UNC5D: variants seen among roughly 807,000 people sequenced by gnomAD.
UNC5D encodes unc-5 netrin receptor D.
In UNC5D, 39 loss-of-function variants were observed where a neutral mutation model predicts 105.4. The observed-to-expected ratio is 0.37, with a 90% CI of 0.29 to 0.48. The LOEUF is 0.48. Among genes scored for constraint, UNC5D ranks in the 20% least tolerant of loss-of-function variants. The pLI, the probability that UNC5D is intolerant of heterozygous loss-of-function variation, is 0.98. For synonymous variants in UNC5D, 452 were observed against 450.4 expected, an observed-to-expected ratio of 1.00 and a Z score of -0.04; for missense variants, 991 against 1,202.4, an observed-to-expected ratio of 0.82 and a Z score of 2.60.
chr8:35,587,310 T>A (rs965862002), intron 3 of UNC5D, among the ~76,000 whole-genome samples: 2 of 152,164 alleles, frequency 1.3e-5, no homozygotes, highest in African/African-American at 4.8e-5. Flanking sequence ...ACACAATGTG[T>A]GTGTAAAGAT....
At chr8:35,535,967 C>A (rs576606956) in intron 1 of UNC5D, among the ~76,000 whole-genome samples, 1 of 152,258 alleles carries the variant, frequency 6.6e-6, no homozygotes, top group East Asian at 1.9e-4. Flanking sequence ...GGTTAAATAT[C>A]TTGCCTAAGA....
At chr8:35,652,756 T>C (rs913643391) in intron 4 of UNC5D, among the ~76,000 whole-genome samples, 5 of 151,860 alleles carry the variant, frequency 3.3e-5, no homozygotes, top group Non-Finnish European at 7.4e-5. Context: ...GAAGAAATCT[T>C]GCCTCTGGCT....
intron 1 of UNC5D, among the ~76,000 whole-genome samples, chr8:35,297,888 C>T (rs1474302667): frequency 1.3e-5 from 2 of 152,130 alleles, no homozygotes; most frequent in African/African-American, 2.4e-5. Flanking sequence ...CCACGACTTC[C>T]ATTAAGCGGG....
At chr8:35,632,321 C>A (rs1210786684) in intron 4 of UNC5D, among the ~76,000 whole-genome samples, 2 of 152,184 alleles carry the variant, frequency 1.3e-5, no homozygotes, top group African/African-American at 4.8e-5. Context: ...AGCATTGATA[C>A]CCTGCATAAC....
Position 35,794,851 on chromosome 8 carries a change from A to G in UNC5D, c.*4288A>G, listed in dbSNP as rs1278844968. ...ATGACATTGAAATGGCAACTTGTAC[A>G]CTGTAATTCTTCGAAAAGTAACAGG... On this transcript the variant is annotated 3_prime_UTR_variant, in exon 17 of 17. Transcript: ENST00000404895. The G allele has an allele frequency of 2.0e-5, 3 of 152,166 alleles. No homozygotes were observed. Among genetic ancestry groups the G allele is most frequent in the Non-Finnish European group, 4.4e-5 (3 of 68,036 alleles). The allele number at this position is 152,166 out of a possible 1,614,324, so 9.4% of individuals were successfully genotyped here. A position where few individuals can be genotyped will look rare whatever the true frequency, so the allele number is the denominator to read the frequency against.
intron 2 of UNC5D, among the ~76,000 whole-genome samples, chr8:35,563,447 T>C (rs1817109548): frequency 6.6e-6 from 1 of 152,062 alleles, no homozygotes; most frequent in Admixed American, 6.6e-5. Flanking sequence ...ATTTAATTGC[T>C]ACTGATATTT....
At chr8:35,641,657 G>C (rs537603915) in intron 4 of UNC5D, among the ~76,000 whole-genome samples, 1 of 152,070 alleles carries the variant, frequency 6.6e-6, no homozygotes, top group Non-Finnish European at 1.5e-5. Context: ...TCATCTCATG[G>C]ATAGAAAGAA....
chr8:35,554,875 C>T (rs1816426971), intron 2 of UNC5D, among the ~76,000 whole-genome samples: 1 of 152,066 alleles, frequency 6.6e-6, no homozygotes, highest in South Asian at 2.1e-4. Flanking sequence ...TCAGGGACCT[C>T]ATTGTGTGTG....
At chr8:35,533,618 G>A (rs950216152) in intron 1 of UNC5D, among the ~76,000 whole-genome samples, 3 of 152,250 alleles carry the variant, frequency 2.0e-5, no homozygotes, top group African/African-American at 7.2e-5. Flanking sequence ...AAGCAAGCCT[G>A]GACAATGGCG....
intron 15 of UNC5D, among the ~76,000 whole-genome samples, chr8:35,768,842 A>G (rs1360780427): frequency 6.6e-6 from 1 of 152,212 alleles, no homozygotes; most frequent in Non-Finnish European, 1.5e-5. Flanking sequence ...ATGAGAGGCA[A>G]GTATGAGAAT....
At chr8:35,689,985 A>C (rs1826274931) in intron 7 of UNC5D, among the ~76,000 whole-genome samples, 1 of 152,226 alleles carries the variant, frequency 6.6e-6, no homozygotes, top group South Asian at 2.1e-4. Flanking sequence ...AGCTAGGAAG[A>C]TAGGCTTGGA....
intron 1 of UNC5D, among the ~76,000 whole-genome samples, chr8:35,410,146 G>T (rs929256172): frequency 1.3e-5 from 2 of 151,926 alleles, no homozygotes; most frequent in African/African-American, 4.8e-5. Flanking sequence ...AGAAAATCTA[G>T]TAACTCACAT....
rs537580732 is a variant in UNC5D at position 35,338,425 on chromosome 8, A to G, written c.103+102538A>G. ...GGGGTGTGTGTGTGTGTAAAACAAG[A>G]GAAGCCAGAGAGTATGTTTGCCATA... On this transcript the variant is annotated intron_variant, in intron 1 of 16. Coordinates refer to ENST00000404895, the MANE Select transcript of UNC5D (RefSeq NM_080872.4). Among the ~76,000 whole-genome samples, 7 of 152,252 alleles carry G rather than the reference A, an allele frequency of 4.6e-5. No homozygotes were observed. In the South Asian group the frequency reaches 1.5e-3, roughly 32 times the overall value.
chr8:35,750,934 C>T (rs753747247), intron 13 of UNC5D, 125 bp downstream of exon 13: 3 of 1,103,012 alleles, frequency 2.7e-6, no homozygotes, highest in Non-Finnish European at 4.0e-6. Context: ...CTGTAACTGC[C>T]CAGTGGGTTC....
At chr8:35,778,122 T>C (rs868360761) in intron 16 of UNC5D, among the ~76,000 whole-genome samples, 2 of 152,164 alleles carry the variant, frequency 1.3e-5, no homozygotes, top group East Asian at 3.8e-4. Context: ...AAGCTGACAA[T>C]GTCGGTATGT....
chr8:35,744,376 A>G lies in UNC5D; in HGVS notation c.1767-4151A>G, dbSNP rs192703157. ...TGGGAAGATACTTTGGGAATGTGTA[A>G]ATAGTTATTTATTACTGTTTAAACT... is the stretch of plus-strand genomic sequence containing the variant. On this transcript the variant is annotated intron_variant, in intron 11 of 16. Transcript: ENST00000404895. Among the ~76,000 whole-genome samples, 4 of 152,304 alleles carry G rather than the reference A, an allele frequency of 2.6e-5. No homozygotes were observed. The East Asian group carries it at 7.7e-4, about 29-fold the overall frequency.
At chr8:35,374,684 C>T (rs1329584915) in intron 1 of UNC5D, among the ~76,000 whole-genome samples, 1 of 152,208 alleles carries the variant, frequency 6.6e-6, no homozygotes, top group East Asian at 1.9e-4. Context: ...CTTCCTCTGC[C>T]TTCTAACAGA....
At chr8:35,744,557 G>A (rs1829912279) in intron 11 of UNC5D, among the ~76,000 whole-genome samples, 1 of 151,956 alleles carries the variant, frequency 6.6e-6, no homozygotes, top group South Asian at 2.1e-4. Flanking sequence ...TTTTTATTTT[G>A]TGGATTCTTA....
chr8:35,404,040 G>A (rs565484893), intron 1 of UNC5D, among the ~76,000 whole-genome samples: 7 of 152,282 alleles, frequency 4.6e-5, no homozygotes, highest in African/African-American at 1.7e-4. Flanking sequence ...CTGAGGTCCC[G>A]CAGATGGTAT....
Sources: gnomAD v4.1 joint callset for allele counts (sites outside exome capture counted in the v4.1 genomes callset) on GRCh38, gnomAD v4.1.1 for gene constraint, MANE v1.5 for transcripts, NCBI Gene and HGNC (gene_info 2026-07-23, HGNC 2026-07-21) for gene names.